Variants in PDGFC observed in about 807,000 individuals in gnomAD.
The protein encoded by PDGFC is platelet derived growth factor C.
PDGFC carries 12 observed loss-of-function variants against 35.5 expected under a neutral mutation model. The observed-to-expected ratio is 0.34, with a 90% CI of 0.22 to 0.55. The LOEUF is 0.55. Among genes scored for constraint, PDGFC ranks in the 20% least tolerant of loss-of-function variants. The pLI, the probability that PDGFC is intolerant of heterozygous loss-of-function variation, is 0.91. For synonymous variants in PDGFC, 159 were observed against 148.8 expected (o/e 1.07, Z -0.50); for missense variants, 322 against 412.4 (o/e 0.78, Z 1.90).
chr4:156,792,287 C>T (rs1731318971), intron 3 of PDGFC, among the ~76,000 whole-genome samples: 1 of 151,910 alleles, frequency 6.6e-6, no homozygotes, highest in African/African-American at 2.4e-5. Flanking sequence ...AGGTACAATC[C>T]AAATATATGA....
intron 1 of PDGFC, among the ~76,000 whole-genome samples, chr4:156,951,881 T>C (rs1188145177): frequency 6.6e-6 from 1 of 151,804 alleles, no homozygotes; most frequent in Non-Finnish European, 1.5e-5. Context: ...GCATAAATTT[T>C]AGAAGTAAAG....
intron 2 of PDGFC, among the ~76,000 whole-genome samples, chr4:156,840,179 G>T (rs147416741): frequency 6.6e-6 from 1 of 152,136 alleles, no homozygotes; most frequent in Non-Finnish European, 1.5e-5. Flanking sequence ...ACAGACCTTC[G>T]CAGCAGCCCT....
intron 1 of PDGFC, among the ~76,000 whole-genome samples, chr4:156,868,930 C>G (rs936323720): frequency 6.6e-6 from 1 of 152,176 alleles, no homozygotes; most frequent in African/African-American, 2.4e-5. Context: ...TTTCAAACCA[C>G]AAAATCACAT....
intron 1 of PDGFC, among the ~76,000 whole-genome samples, chr4:156,963,577 T>A (rs1366044457): frequency 1.3e-5 from 2 of 151,446 alleles, no homozygotes; most frequent in Admixed American, 6.6e-5. Context: ...AGAGAGCAAA[T>A]TTAGTGAAGC....
Position 156,762,821 on chromosome 4 carries a change from G to A in PDGFC, c.*269C>T, listed in dbSNP as rs962793563. The A allele has an allele frequency of 3.2e-6, 1 of 312,674 alleles. No individual in the cohort carries two copies. Among genetic ancestry groups the A allele is most frequent in the East Asian group, 5.2e-5 (1 of 19,156 alleles). The allele number at this position is 312,674 out of a possible 1,614,324, so 19.4% of individuals were successfully genotyped here. ...TACGTACATGGTAACTCTGAAACTA[G>A]CTGGTGATCTATTTAATACAACATT... On this transcript the variant is annotated 3_prime_UTR_variant, in exon 6 of 6. Coordinates refer to ENST00000502773, the MANE Select transcript of PDGFC (RefSeq NM_016205.3).
intron 3 of PDGFC, among the ~76,000 whole-genome samples, chr4:156,800,143 G>C (rs1195037616): frequency 6.6e-6 from 1 of 152,082 alleles, no homozygotes; most frequent in Non-Finnish European, 1.5e-5. Context: ...CAAAATGGTA[G>C]TAATATTTCA....
chr4:156,868,421 A>T (rs1341615552), intron 1 of PDGFC, among the ~76,000 whole-genome samples: 1 of 152,196 alleles, frequency 6.6e-6, no homozygotes, highest in Non-Finnish European at 1.5e-5. Context: ...CTACCCATTA[A>T]GGATTATCTG....
intron 1 of PDGFC, among the ~76,000 whole-genome samples, chr4:156,964,891 G>A (rs190148260): frequency 1.1e-4 from 17 of 152,224 alleles, no homozygotes; most frequent in African/African-American, 3.9e-4. Flanking sequence ...TGAGCCACAG[G>A]TAAAATATAG....
At position 156,896,430 on chromosome 4, in the gene PDGFC, A is replaced by G. The variant is rs1053029111; in HGVS notation, c.119-46014T>C. 3.3e-5 allele frequency among the ~76,000 whole-genome samples: 5 copies of G among 152,172 alleles called. No individual in the cohort carries two copies. In the East Asian group the frequency reaches 9.7e-4, roughly 29 times the overall value. ...AAAAACCTAGGAATATAGGAGTTTT[A>G]CATGCTCCTGGTCAAGACACAGCTT... On this transcript the variant is annotated intron_variant, in intron 1 of 5. Coordinates refer to ENST00000502773, the MANE Select transcript of PDGFC (RefSeq NM_016205.3).
At chr4:156,764,836 C>T (rs1730477266) in intron 5 of PDGFC, among the ~76,000 whole-genome samples, 1 of 152,032 alleles carries the variant, frequency 6.6e-6, no homozygotes, top group Non-Finnish European at 1.5e-5. Flanking sequence ...CAAATTGTTT[C>T]TGGAATGAGA....
At chr4:156,945,405 A>C (rs1409777836) in intron 1 of PDGFC, among the ~76,000 whole-genome samples, 4 of 139,180 alleles carry the variant, frequency 2.9e-5, no homozygotes, top group African/African-American at 5.2e-5. Flanking sequence ...AGTAGGGAAA[A>C]TTCACAACAG....
At chr4:156,944,772 T>C (rs996799752) in intron 1 of PDGFC, among the ~76,000 whole-genome samples, 3 of 152,160 alleles carry the variant, frequency 2.0e-5, no homozygotes, top group Admixed American at 6.6e-5. Context: ...CCTAAGTCAC[T>C]ATCACGGCAT....
At chr4:156,820,913 G>C (rs536925654) in intron 2 of PDGFC, among the ~76,000 whole-genome samples, 174 of 152,200 alleles carry the variant, frequency 1.1e-3, no homozygotes, top group Admixed American at 5.6e-3. Flanking sequence ...GGATAGGGCT[G>C]GCCATTCTCA....
chr4:156,933,423 G>A (rs1373418367), intron 1 of PDGFC, among the ~76,000 whole-genome samples: 2 of 152,182 alleles, frequency 1.3e-5, no homozygotes, highest in Non-Finnish European at 2.9e-5. Flanking sequence ...CCAAGATGAT[G>A]CTGTTCACAG....
chr4:156,967,145 A>C (rs912791100), intron 1 of PDGFC, among the ~76,000 whole-genome samples: 2 of 151,972 alleles, frequency 1.3e-5, no homozygotes, highest in African/African-American at 4.8e-5. Flanking sequence ...GTTAGAGCCT[A>C]TTTACTCTTG....
intron 1 of PDGFC, among the ~76,000 whole-genome samples, 188 bp downstream of exon 1, chr4:156,970,598 C>A (rs1434613755): frequency 6.6e-6 from 1 of 152,204 alleles, no homozygotes; most frequent in East Asian, 1.9e-4. Context: ...AGCTTTGTGG[C>A]AGCTCCCGAA....
chr4:156,913,236 A>G (rs927105293), intron 1 of PDGFC, among the ~76,000 whole-genome samples: 3 of 152,200 alleles, frequency 2.0e-5, no homozygotes, highest in Non-Finnish European at 2.9e-5. Flanking sequence ...AAAATTTTCT[A>G]TATCTTGTGA....
At chr4:156,779,641 A>C (rs1321537443) in intron 3 of PDGFC, among the ~76,000 whole-genome samples, 1 of 152,208 alleles carries the variant, frequency 6.6e-6, no homozygotes, top group East Asian at 1.9e-4. Flanking sequence ...ATATGAAAAA[A>C]GAGATGGCTA....
At chr4:156,850,152 CA>C in intron 2 of PDGFC, 68 bp downstream of exon 2, 2 of 789,478 alleles carry the variant, frequency 2.5e-6, no homozygotes, top group Non-Finnish European at 3.8e-6. Flanking sequence ...ATCAGATCAT[CA>C]AAATTAAGCA....
Sources: allele counts gnomAD v4.1 joint callset (sites outside exome capture counted in the v4.1 genomes callset), GRCh38; gene constraint gnomAD v4.1.1; transcripts MANE v1.5; gene names NCBI Gene and HGNC (gene_info 2026-07-23, HGNC 2026-07-21).